TLE4: variants seen among roughly 807,000 people sequenced by gnomAD.
TLE4 encodes transducin-like enhancer protein 4.
TLE4 carries 8 observed loss-of-function variants against 92.8 expected under a neutral mutation model. That is an observed-to-expected ratio of 0.09 (90% CI 0.05 to 0.16). The LOEUF is 0.16. TLE4 is among the 10% of genes least tolerant of loss of function. The probability of loss-of-function intolerance (pLI) is 1.00; values close to 1 mark genes in which losing one functional copy is unlikely to be tolerated. For synonymous variants in TLE4, 371 were observed against 374.1 expected, an observed-to-expected ratio of 0.99 and a Z score of 0.10; for missense variants, 675 against 997.6, an observed-to-expected ratio of 0.68 and a Z score of 4.36.
intron 12 of TLE4, 126 bp downstream of exon 12, chr9:79,708,376 T>A: frequency 8.0e-7 from 1 of 1,255,550 alleles, no homozygotes. Context: ...CAAAGTTACT[T>A]AACCTGAACC....
chr9:79,582,190 C>T (rs1043515088), intron 4 of TLE4, among the ~76,000 whole-genome samples: 1 of 152,024 alleles, frequency 6.6e-6, no homozygotes, highest in South Asian at 2.1e-4. Context: ...GAAAGAGGTT[C>T]GTCGATGCAG....
intron 8 of TLE4, among the ~76,000 whole-genome samples, chr9:79,664,673 TG>T (rs1346473200): frequency 2.6e-5 from 4 of 152,272 alleles, no homozygotes; most frequent in Non-Finnish European, 4.4e-5. Flanking sequence ...CCCCCACCCC[TG>T]ACCTCTTCTG....
At position 79,572,258 on chromosome 9, in the gene TLE4, T is replaced by G. The variant is rs894277718; in HGVS notation, c.-533T>G. On this transcript the variant is annotated 5_prime_UTR_variant, in exon 1 of 20. Transcript: ENST00000376552. ...TCGTTGCTGTGAAGTGAAAAAAATCTCCAGAGAAACCAAAAAGCACCGCCG... is the reference window on the plus strand; with the variant it reads ...TCGTTGCTGTGAAGTGAAAAAAATCGCCAGAGAAACCAAAAAGCACCGCCG... The G allele has an allele frequency of 2.6e-5, 4 of 151,890 alleles. No homozygotes were observed. Among genetic ancestry groups the G allele is most frequent in the African/African-American group, 9.7e-5 (4 of 41,340 alleles). 9.4% of individuals were successfully genotyped at this position (151,890 alleles called of 1,614,324 possible).
Position 79,588,308 on chromosome 9 carries a change from C to T in TLE4, c.252+12131C>T, listed in dbSNP as rs1034607226. Among the ~76,000 whole-genome samples the T allele has an allele frequency of 2.6e-5, 4 of 152,012 alleles. No individual in the cohort carries two copies. The East Asian group carries it at 7.7e-4, about 29-fold the overall frequency. On this transcript the variant is annotated intron_variant, in intron 4 of 19. Coordinates refer to ENST00000376552, the MANE Select transcript of TLE4 (RefSeq NM_007005.6). The stretch of plus-strand genomic sequence containing the variant: ...GATTACAGGCCCACACCACCACTCG[C>T]AGCTAACTTTTTTGTATTTTTAGTA...
rs377283039 is a variant in TLE4, at chr9:79,722,440, T to C, written c.1987-11T>C. On this transcript the variant is annotated splice_polypyrimidine_tract_variant and intron_variant, in intron 17 of 19. Coordinates refer to ENST00000376552, the MANE Select transcript of TLE4 (RefSeq NM_007005.6). ...TGTGGCCACTGTCACCATCACCTGT[T>C]TTAATTCTAGATCTTTTCTCTGGGC... 8 of 1,613,822 alleles carry C rather than the reference T, an allele frequency of 5.0e-6. No individual in the cohort carries two copies. Among genetic ancestry groups the C allele is most frequent in the Non-Finnish European group, 6.8e-6 (8 of 1,179,906 alleles).
chr9:79,716,298 T>G (rs2074484778), intron 14 of TLE4, among the ~76,000 whole-genome samples: 1 of 152,190 alleles, frequency 6.6e-6, no homozygotes, highest in Non-Finnish European at 1.5e-5. Flanking sequence ...TCCCCATTAC[T>G]TATTTGTAAG....
intron 4 of TLE4, among the ~76,000 whole-genome samples, chr9:79,578,040 A>T (rs1433178416): frequency 2.0e-5 from 3 of 152,130 alleles, no homozygotes; most frequent in Admixed American, 2.0e-4. Flanking sequence ...AGTTTATCAC[A>T]TTATGAAATA....
intron 2 of TLE4, 147 bp from the exon 3 acceptor site, chr9:79,574,726 C>G (rs1197614869): frequency 1.6e-6 from 1 of 618,918 alleles, no homozygotes; most frequent in Non-Finnish European, 2.8e-6. Flanking sequence ...CCAATCACCC[C>G]TTTCCCCTTC....
chr9:79,685,501 T>C (rs1207697302), intron 8 of TLE4, among the ~76,000 whole-genome samples: 2 of 152,202 alleles, frequency 1.3e-5, no homozygotes, highest in Non-Finnish European at 2.9e-5. Flanking sequence ...GTAATGATAA[T>C]GTATTATAAC....
chr9:79,672,876 G>A (rs1255943401), intron 8 of TLE4, among the ~76,000 whole-genome samples: 3 of 152,176 alleles, frequency 2.0e-5, no homozygotes, highest in Non-Finnish European at 4.4e-5. Context: ...AGATAAAGTG[G>A]AAACTTTCTA....
At chr9:79,659,153 G>A (rs2060176187) in intron 8 of TLE4, among the ~76,000 whole-genome samples, 1 of 152,162 alleles carries the variant, frequency 6.6e-6, no homozygotes, top group African/African-American at 2.4e-5. Flanking sequence ...ACCTGTCAAA[G>A]GTCACACAGC....
chr9:79,603,227 C>T (rs1261235202), intron 4 of TLE4, among the ~76,000 whole-genome samples: 3 of 152,092 alleles, frequency 2.0e-5, no homozygotes, highest in Non-Finnish European at 2.9e-5. Context: ...AGGATTGACT[C>T]CTCTGAAATT....
intron 4 of TLE4, among the ~76,000 whole-genome samples, chr9:79,610,237 A>G (rs1359440827): frequency 1.3e-5 from 2 of 152,092 alleles, no homozygotes; most frequent in South Asian, 2.1e-4. Flanking sequence ...ACAAATATCA[A>G]TGGTGACAAC....
chr9:79,675,040 T>G (rs2063045972), intron 8 of TLE4, among the ~76,000 whole-genome samples: 1 of 152,186 alleles, frequency 6.6e-6, no homozygotes, highest in African/African-American at 2.4e-5. Flanking sequence ...AGTTTTTGTT[T>G]GGTTGGTTTT....
chr9:79,609,397 G>A (rs1378807758), intron 4 of TLE4, among the ~76,000 whole-genome samples: 1 of 152,018 alleles, frequency 6.6e-6, no homozygotes, highest in Non-Finnish European at 1.5e-5. Flanking sequence ...TTCTTTAGCA[G>A]GGATGGTGAT....
intron 4 of TLE4, among the ~76,000 whole-genome samples, chr9:79,585,468 G>A (rs1005743983): frequency 6.6e-6 from 1 of 152,118 alleles, no homozygotes; most frequent in Admixed American, 6.6e-5. Flanking sequence ...GACTGATTCC[G>A]GAGCCTCAGA....
At chr9:79,635,118 A>G (rs1283816826) in intron 6 of TLE4, among the ~76,000 whole-genome samples, 1 of 152,150 alleles carries the variant, frequency 6.6e-6, no homozygotes, top group Non-Finnish European at 1.5e-5. Flanking sequence ...TTTCCTCTAC[A>G]TCTTTGTCTG....
At chr9:79,578,745 C>G (rs1164814972) in intron 4 of TLE4, among the ~76,000 whole-genome samples, 1 of 151,494 alleles carries the variant, frequency 6.6e-6, no homozygotes, top group African/African-American at 2.4e-5. Context: ...CATAATGTTG[C>G]CAATTTTTAA....
chr9:79,604,522 GGAGGGAGAA>G (rs1176051857), intron 4 of TLE4, among the ~76,000 whole-genome samples: 1 of 152,108 alleles, frequency 6.6e-6, no homozygotes, highest in Non-Finnish European at 1.5e-5. Context: ...ATAATTGGGA[GGAGGGAGAA>G]GAAACCACTA....
Sources: gnomAD v4.1 joint callset for allele counts (sites outside exome capture counted in the v4.1 genomes callset) on GRCh38, gnomAD v4.1.1 for gene constraint, MANE v1.5 for transcripts, NCBI Gene and HGNC (gene_info 2026-07-23, HGNC 2026-07-21) for gene names.